USP6: variants seen among roughly 807,000 people sequenced by gnomAD.
USP6 encodes the protein ubiquitin specific peptidase 6.
In USP6, 128 loss-of-function variants were observed where a neutral mutation model predicts 175.7. The observed-to-expected ratio is 0.73, with a 90% CI of 0.63 to 0.84. The LOEUF (loss-of-function observed/expected upper bound fraction) is 0.84. Among genes scored for constraint, USP6 ranks in the 40% least tolerant of loss-of-function variants. The pLI is 0.00. For synonymous variants in USP6, 562 were observed against 630.6 expected (o/e 0.89, Z 1.63); for missense variants, 1,498 against 1,760.3 (o/e 0.85, Z 2.67).
At chr17:5,135,467 C>A (rs766270290) in intron 16 of USP6, among the ~76,000 whole-genome samples, 185 bp downstream of exon 16, 4 of 152,124 alleles carry the variant, frequency 2.6e-5, no homozygotes, top group Admixed American at 6.5e-5. Context: ...AGGGGTCAAG[C>A]TGAGACACAA....
chr17:5,131,911 G>T (rs1269230613), intron 11 of USP6, among the ~76,000 whole-genome samples: 1 of 152,120 alleles, frequency 6.6e-6, no homozygotes, highest in African/African-American at 2.4e-5. Context: ...GAACCTGCAA[G>T]AGCCTTGGGG....
At chr17:5,172,189 A>G (rs928857974) in intron 37 of USP6, among the ~76,000 whole-genome samples, 1 of 151,600 alleles carries the variant, frequency 6.6e-6, no homozygotes, top group Non-Finnish European at 1.5e-5. Flanking sequence ...AAAAAAAAAA[A>G]AAGTAGTTAG....
At position 5,173,325 on chromosome 17, in the gene USP6, A is replaced by G. The variant is rs751466906; in HGVS notation, c.*347A>G. On this transcript the variant is annotated 3_prime_UTR_variant, in exon 38 of 38. Coordinates refer to ENST00000574788, the MANE Select transcript of USP6 (RefSeq NM_001304284.2). The stretch of plus-strand genomic sequence containing the variant: ...TACCAATAATCATAACAAATATTAA[A>G]GATTTCCTTGGAGTCAGAGGAAAAA... The G allele has an allele frequency of 6.2e-5, 15 of 240,400 alleles. No homozygotes were observed. Among genetic ancestry groups the G allele is most frequent in the Non-Finnish European group, 1.1e-4 (13 of 123,160 alleles). The allele number at this position is 240,400 out of a possible 1,614,324, so 14.9% of individuals were successfully genotyped here. A position where few individuals can be genotyped will look rare whatever the true frequency, so the allele number is the denominator to read the frequency against.
chr17:5,123,307 G>T (rs1451766005), intron 4 of USP6, among the ~76,000 whole-genome samples: 1 of 152,058 alleles, frequency 6.6e-6, no homozygotes, highest in Non-Finnish European at 1.5e-5. Context: ...CCGGTGGGGG[G>T]GTGGTAGAGG....
chr17:5,143,774 G>A (rs1439938667), intron 25 of USP6, among the ~76,000 whole-genome samples: 1 of 151,440 alleles, frequency 6.6e-6, no homozygotes, highest in Non-Finnish European at 1.5e-5. Flanking sequence ...AAAAAATTTG[G>A]TAGGCATAGT....
chr17:5,154,812 T>G (rs1263389216), intron 30 of USP6, among the ~76,000 whole-genome samples: 1 of 152,066 alleles, frequency 6.6e-6, no homozygotes, highest in African/African-American at 2.4e-5. Context: ...CACAGATCAC[T>G]GTACCAAACT....
intron 30 of USP6, among the ~76,000 whole-genome samples, chr17:5,152,251 A>G (rs1433701039): frequency 6.6e-6 from 1 of 152,122 alleles, no homozygotes; most frequent in Non-Finnish European, 1.5e-5. Context: ...CAAAAAAAAA[A>G]AAAAAAGTGA....
In USP6 at chr17:5,133,419, C is replaced by T. The variant is rs749421379; in HGVS notation, c.277-24C>T. On this transcript the variant is annotated intron_variant, in intron 13 of 37. Coordinates refer to ENST00000574788, the MANE Select transcript of USP6 (RefSeq NM_001304284.2). ...ACTGGGGTCACCCCATGGCCTGTGA[C>T]ACCAGATTCTTTTCTGCCCACAGCT... is the stretch of plus-strand genomic sequence containing the variant. 1.9e-6 allele frequency: 3 copies of T among 1,597,552 alleles called. No homozygotes were observed. In the South Asian group the frequency reaches 3.3e-5, roughly 18 times the overall value.
At chr17:5,165,268 C>T (rs1216900671) in intron 33 of USP6, among the ~76,000 whole-genome samples, 5 of 152,140 alleles carry the variant, frequency 3.3e-5, no homozygotes, top group Non-Finnish European at 5.9e-5. Context: ...TCCAAAATTT[C>T]CACATGAATA....
At chr17:5,138,301 A>G (rs777304775) in intron 21 of USP6, 28 bp downstream of exon 21, 1 of 1,611,946 alleles carries the variant, frequency 6.2e-7, no homozygotes, top group Non-Finnish European at 8.5e-7. Flanking sequence ...GTCCCCTCCC[A>G]TGTCAGCCTC....
intron 22 of USP6, 38 bp downstream of exon 22, chr17:5,139,712 G>C (rs765042259): frequency 8.1e-6 from 13 of 1,600,148 alleles, no homozygotes; most frequent in Non-Finnish European, 1.0e-5. Context: ...CACAATGTGG[G>C]CATGGACTTC....
intron 1 of USP6, among the ~76,000 whole-genome samples, chr17:5,117,373 G>A (rs1200001860): frequency 6.6e-6 from 1 of 152,030 alleles, no homozygotes; most frequent in Admixed American, 6.5e-5. Context: ...AAAATTAGCC[G>A]GGTGTGGAGG....
intron 26 of USP6, 48 bp from the exon 27 acceptor site, chr17:5,145,357 C>A: frequency 6.6e-7 from 1 of 1,513,554 alleles, no homozygotes; most frequent in Non-Finnish European, 8.8e-7. Flanking sequence ...TATAGAAATG[C>A]CTCTCTTTTG....
Position 5,148,383 on chromosome 17 carries a change from A to C in USP6, c.2432-173A>C, listed in dbSNP as rs149386413. ...ATTTGGTCAAAAGTGTGAGTTAGGG[A>C]AGTAAAACTGGAAATTAAAATCTTC... On this transcript the variant is annotated intron_variant, in intron 29 of 37. Coordinates refer to ENST00000574788, the MANE Select transcript of USP6 (RefSeq NM_001304284.2). 1.8e-3 allele frequency among the ~76,000 whole-genome samples: 267 copies of C among 152,332 alleles called. 16 individuals carry two copies. The East Asian group carries it at 0.04, about 23-fold the overall frequency.
Position 5,121,392 on chromosome 17 carries a change from C to G in USP6, c.-1657C>G. 1 of 329,956 alleles carries G rather than the reference C, an allele frequency of 3.0e-6. No individual in the cohort carries two copies. Among genetic ancestry groups the G allele is most frequent in the Admixed American group, 4.2e-5 (1 of 23,852 alleles). The allele number at this position is 329,956 out of a possible 1,614,324, so 20.4% of individuals were successfully genotyped here. A position where few individuals can be genotyped will look rare whatever the true frequency, so the allele number is the denominator to read the frequency against. On this transcript the variant is annotated 5_prime_UTR_variant, in exon 4 of 38. Transcript: ENST00000574788. ...CCTTCCAGAGAGAGGGGCTGAACTG[C>G]GAGGTGGCCACCAACACAGAGGCCC...
intron 16 of USP6, among the ~76,000 whole-genome samples, chr17:5,135,534 C>G (rs554011489): frequency 1.3e-5 from 2 of 152,312 alleles, no homozygotes; most frequent in East Asian, 3.9e-4. Flanking sequence ...CTTCTCAGAA[C>G]AAGAAATGAC....
chr17:5,148,467 A>G, intron 29 of USP6, 89 bp from the exon 30 acceptor site: 2 of 1,438,252 alleles, frequency 1.4e-6, no homozygotes, highest in African/African-American at 2.8e-5. Context: ...AAGAGACTAC[A>G]CTGTCTCTCG....
Position 5,152,118 on chromosome 17 carries a change from T to G in USP6, c.2644-3304T>G, listed in dbSNP as rs186021276. Among the ~76,000 whole-genome samples, 43 of 152,092 alleles carry G rather than the reference T, an allele frequency of 2.8e-4. No homozygotes were observed. The East Asian group carries it at 8.1e-3, about 29-fold the overall frequency. On this transcript the variant is annotated intron_variant, in intron 30 of 37. Coordinates refer to ENST00000574788, the MANE Select transcript of USP6 (RefSeq NM_001304284.2). ...TTAACTGGGCATGGTGGTGGGTGCA[T>G]GTAGTCCCAGCTACTTGGGAGGCTG...
intron 33 of USP6, among the ~76,000 whole-genome samples, chr17:5,164,435 T>G (rs958939481): frequency 6.6e-6 from 1 of 152,270 alleles, no homozygotes; most frequent in Non-Finnish European, 1.5e-5. Flanking sequence ...GGGAAAATTT[T>G]ACGAGTTGAT....
Sources: allele counts gnomAD v4.1 joint callset (sites outside exome capture counted in the v4.1 genomes callset), GRCh38; gene constraint gnomAD v4.1.1; transcripts MANE v1.5; gene names NCBI Gene and HGNC (gene_info 2026-07-23, HGNC 2026-07-21).